Variants in OR52B6 observed in about 807,000 individuals in gnomAD.
OR52B6 encodes olfactory receptor family 52 subfamily B member 6, also known as olfactory receptor 52B6.
For missense variants in OR52B6, 433 were observed against 416.8 expected, an observed-to-expected ratio of 1.04 and a Z score of -0.34; for synonymous variants, 169 against 160.0, an observed-to-expected ratio of 1.06 and a Z score of -0.42.
chr11:5,581,273 GTC>G lies in OR52B6; in HGVS notation c.398_399del (p.Val133AlafsTer7). 2 of 1,614,028 alleles carry G rather than the reference GTC, an allele frequency of 1.2e-6. No homozygotes were observed. The highest frequency in any genetic ancestry group is 4.5e-5 in the East Asian group (2 of 44,872). ...FIHFLFIHSA[V>X]LLAMAFDRYV... ...TCACTTCCTCTTCATTCACTCTGCT[GTC>G]CTGCTGGCCATGGCCTTTGACCGCT... is the stretch of plus-strand genomic sequence containing the variant. On this transcript the variant is annotated frameshift_variant, in exon 1 of 1. Coordinates refer to ENST00000345043, the MANE Select transcript of OR52B6 (RefSeq NM_001005162.2). LOFTEE classifies it low-confidence loss of function (END_TRUNC).
rs746851730 is a variant in OR52B6 at position 5,580,931 on chromosome 11, A to G, written c.55A>G (p.Ile19Val). 1 of 1,609,142 alleles carries G rather than the reference A, an allele frequency of 6.2e-7. No homozygotes were observed. The highest frequency in any genetic ancestry group is 8.5e-7 in the Non-Finnish European group (1 of 1,177,696). ...KIMALFSANSIGAMNNSDTRI... is the reference protein window; with the variant it reads ...KIMALFSANSVGAMNNSDTRI... ...CATGGCCCTTTTTTCTGCTAACAGC[A>G]TAGGTGCTATGAACAACTCTGACAC... Residue 19 changes from isoleucine (I) to valine (V), a missense_variant, in exon 1 of 1, where the codon ATA becomes GTA. By Grantham distance (29) the Ile-to-Val change is conservative. Transcript: ENST00000345043.
rs571128065 is a variant in OR52B6 at position 5,580,901 on chromosome 11, A to C, written c.25A>C (p.Lys9Gln). 6.3e-7 allele frequency: 1 copy of C among 1,584,054 alleles called. No individual in the cohort carries two copies. The highest frequency in any genetic ancestry group is 1.4e-5 in the African/African-American group (1 of 74,044). Residue 9 changes from lysine (K) to glutamine (Q), a missense_variant, in exon 1 of 1, where the codon AAA becomes CAA. Coordinates refer to ENST00000345043, the MANE Select transcript of OR52B6 (RefSeq NM_001005162.2). ...TATGGCACAGGTGAGGGCGCTGCAT[A>C]AAATCATGGCCCTTTTTTCTGCTAA... Reference protein sequence around the residue: MAQVRALHKIMALFSANSI... With the variant: MAQVRALHQIMALFSANSI...
Position 5,581,203 on chromosome 11 carries a change from T to C in OR52B6, c.327T>C (p.Tyr109=), listed in dbSNP as rs1447987968. The stretch of plus-strand genomic sequence containing the variant: ...CCCTGGCCAATTTGTGGCTAGGTTA[T>C]AGCCTCATTTCCTTTGATGGCTGCC... ...PKALANLWLG[Y]SLISFDGCLT... Residue 109 remains tyrosine, a synonymous_variant, in exon 1 of 1, where the codon TAT becomes TAC. Coordinates refer to ENST00000345043, the MANE Select transcript of OR52B6 (RefSeq NM_001005162.2). 6.2e-6 allele frequency: 10 copies of C among 1,613,568 alleles called. No individual in the cohort carries two copies. The highest frequency in any genetic ancestry group is 2.2e-5 in the East Asian group (1 of 44,892).
rs759961171 is a variant in OR52B6, at chr11:5,580,968, G to C, written c.92G>C (p.Gly31Ala). 2 of 1,613,872 alleles carry C rather than the reference G, an allele frequency of 1.2e-6. No individual in the cohort carries two copies. The highest frequency in any genetic ancestry group is 1.7e-6 in the Non-Finnish European group (2 of 1,179,888). The change falls in exon 1 of 1, where the codon GGC becomes GCC. Residue 31 changes from glycine to alanine, a missense_variant. Transcript: ENST00000345043. Reference sequence around the variant, plus strand: ...AACAACTCTGACACTCGCATAGCAGGCTGCTTCCTCACTGGCATCCCTGGG... The same window carrying C: ...AACAACTCTGACACTCGCATAGCAGCCTGCTTCCTCACTGGCATCCCTGGG... ...AMNNSDTRIA[G>A]CFLTGIPGLE... is the part of the protein sequence containing the mutation.
In OR52B6 at chr11:5,581,320, C is replaced by T. The variant is rs372663587; in HGVS notation, c.444C>T (p.Pro148=). The change falls in exon 1 of 1, where the codon CCC becomes CCT. Residue 148 remains proline (P), a synonymous_variant. Coordinates refer to ENST00000345043, the MANE Select transcript of OR52B6 (RefSeq NM_001005162.2). The part of the protein sequence containing the change: ...AFDRYVAICS[P]LRYVTILTSK... ...ACCGCTATGTGGCCATCTGCTCCCC[C>T]CTGCGATATGTCACAATCCTCACAA... The T allele has an allele frequency of 3.5e-5, 56 of 1,613,236 alleles. No homozygotes were observed. The African/African-American group carries it at 3.6e-4, about 10-fold the overall frequency.
At position 5,581,166 on chromosome 11, in the gene OR52B6, C is replaced by T. The variant is rs1041484131; in HGVS notation, c.290C>T (p.Thr97Ile). 1.2e-6 allele frequency: 2 copies of T among 1,613,246 alleles called. No individual in the cohort carries two copies. The highest frequency in any genetic ancestry group is 8.5e-7 in the Non-Finnish European group (1 of 1,179,522). Reference sequence around the variant, plus strand: ...GCTGATGTCTTGCTCTCTACCACCACCATGCCTAAGGCCCTGGCCAATTTG... The same window carrying T: ...GCTGATGTCTTGCTCTCTACCACCATCATGCCTAAGGCCCTGGCCAATTTG... ...ASADVLLSTT[T>I]MPKALANLWL... is the part of the protein sequence containing the mutation. The change falls in exon 1 of 1, where the codon ACC becomes ATC. Residue 97 changes from threonine to isoleucine, a missense_variant. Physicochemically the swap from Thr to Ile is moderately conservative, Grantham distance 89. Transcript: ENST00000345043.
Position 5,581,577 on chromosome 11 carries a change from C to T in OR52B6, c.701C>T (p.Thr234Ile). The T allele has an allele frequency of 6.2e-7, 1 of 1,614,164 alleles. No individual in the cohort carries two copies. The highest frequency in any genetic ancestry group is 8.5e-7 in the Non-Finnish European group (1 of 1,180,028). ...LSTGLDIMLITVSYIHILQAV... is the reference protein window; with the variant it reads ...LSTGLDIMLIIVSYIHILQAV... Reference sequence around the variant, plus strand: ...ACAGGCCTAGACATCATGCTTATTACTGTTTCCTACATCCACATCCTCCAA... The same window carrying T: ...ACAGGCCTAGACATCATGCTTATTATTGTTTCCTACATCCACATCCTCCAA... The change falls in exon 1 of 1, where the codon ACT becomes ATT. Residue 234 changes from threonine (T) to isoleucine (I), a missense_variant. Physicochemically the swap from Thr to Ile is moderately conservative, Grantham distance 89. Coordinates refer to ENST00000345043, the MANE Select transcript of OR52B6 (RefSeq NM_001005162.2).
At position 5,581,407 on chromosome 11, in the gene OR52B6, A is replaced by G. The variant is rs776439979; in HGVS notation, c.531A>G (p.Pro177=). 2.5e-6 allele frequency: 4 copies of G among 1,613,892 alleles called. No individual in the cohort carries two copies. Among genetic ancestry groups the G allele is most frequent in the Non-Finnish European group, 3.4e-6 (4 of 1,180,018 alleles). The change falls in exon 1 of 1, where the codon CCA becomes CCG. Residue 177 remains proline, a synonymous_variant. Coordinates refer to ENST00000345043, the MANE Select transcript of OR52B6 (RefSeq NM_001005162.2). ...ALSHSFIIMF[P]SIFLLEHLHY... ...GCCACAGCTTCATCATTATGTTTCC[A>G]TCCATCTTTCTCCTTGAGCACCTGC...
chr11:5,581,410 CATCT>C lies in OR52B6; in HGVS notation c.535_538del (p.Ile179PhefsTer49). ...ACAGCTTCATCATTATGTTTCCATCCATCTTTCTCCTTGAGCACCTGCACTATTG... is the reference window on the plus strand; with the variant it reads ...ACAGCTTCATCATTATGTTTCCATCCTTCTCCTTGAGCACCTGCACTATTG... On this transcript the variant is annotated frameshift_variant, in exon 1 of 1. Transcript: ENST00000345043. LOFTEE classifies it low-confidence loss of function (END_TRUNC). 1 of 1,613,974 alleles carries C rather than the reference CATCT, an allele frequency of 6.2e-7. No homozygotes were observed.
Position 5,581,699 on chromosome 11 carries a change from C to T in OR52B6, c.823C>T (p.Leu275Phe). Residue 275 changes from leucine (L) to phenylalanine (F), a missense_variant, in exon 1 of 1, where the codon CTT (leucine) becomes TTT (phenylalanine). By Grantham distance (22) the Leu-to-Phe change is conservative (BLOSUM62 0). Coordinates refer to ENST00000345043, the MANE Select transcript of OR52B6 (RefSeq NM_001005162.2). ...CVILLFYVPA[L>F]FSVFAYRFGG... Reference sequence around the variant, plus strand: ...CATCCTACTCTTCTATGTCCCTGCGCTTTTTTCTGTCTTTGCCTACAGGTT... The same window carrying T: ...CATCCTACTCTTCTATGTCCCTGCGTTTTTTTCTGTCTTTGCCTACAGGTT... 2 of 1,614,006 alleles carry T rather than the reference C, an allele frequency of 1.2e-6. No homozygotes were observed. Among genetic ancestry groups the T allele is most frequent in the Non-Finnish European group, 1.7e-6 (2 of 1,179,948 alleles).
chr11:5,581,249 C>A lies in OR52B6; in HGVS notation c.373C>A (p.His125Asn), dbSNP rs201043155. The A allele has an allele frequency of 6.2e-6, 10 of 1,614,118 alleles. No individual in the cohort carries two copies. The East Asian group carries it at 1.8e-4, about 29-fold the overall frequency. The change falls in exon 1 of 1, where the codon CAC becomes AAC. Residue 125 changes from histidine to asparagine, a missense_variant. Physicochemically the swap from His to Asn is moderately conservative, Grantham distance 68. Coordinates refer to ENST00000345043, the MANE Select transcript of OR52B6 (RefSeq NM_001005162.2). ...CTGCCTCACTCAGATGTTCTTCATT[C>A]ACTTCCTCTTCATTCACTCTGCTGT... ...DGCLTQMFFIHFLFIHSAVLL... is the reference protein window; with the variant it reads ...DGCLTQMFFINFLFIHSAVLL...
In OR52B6 at chr11:5,581,143, T is replaced by C. The variant is rs1281843406; in HGVS notation, c.267T>C (p.Ala89=). The C allele has an allele frequency of 6.8e-6, 11 of 1,613,812 alleles. No homozygotes were observed. The highest frequency in any genetic ancestry group is 9.3e-6 in the Non-Finnish European group (11 of 1,179,834). ...MYIFLSMLAS[A]DVLLSTTTMP... is the part of the protein sequence containing the mutation. ...TATTCTTATCTATGCTGGCCAGTGCTGATGTCTTGCTCTCTACCACCACCA... is the reference window on the plus strand; with the variant it reads ...TATTCTTATCTATGCTGGCCAGTGCCGATGTCTTGCTCTCTACCACCACCA... Residue 89 remains alanine, a synonymous_variant, in exon 1 of 1, where the codon GCT becomes GCC. Coordinates refer to ENST00000345043, the MANE Select transcript of OR52B6 (RefSeq NM_001005162.2).
Position 5,581,060 on chromosome 11 carries a change from A to T in OR52B6, c.184A>T (p.Asn62Tyr). 6.2e-7 allele frequency: 1 copy of T among 1,614,004 alleles called. No homozygotes were observed. Reference sequence around the variant, plus strand: ...CATGTACATCACTGCCCTGGAAGGCAATGGCATCCTAATTTGTGTCATCCT... The same window carrying T: ...CATGTACATCACTGCCCTGGAAGGCTATGGCATCCTAATTTGTGTCATCCT... ...CIMYITALEGNGILICVILSQ... is the reference protein window; with the variant it reads ...CIMYITALEGYGILICVILSQ... Residue 62 changes from asparagine (N) to tyrosine (Y), a missense_variant, in exon 1 of 1, where the codon AAT (asparagine) becomes TAT (tyrosine). Coordinates refer to ENST00000345043, the MANE Select transcript of OR52B6 (RefSeq NM_001005162.2).
At position 5,581,634 on chromosome 11, in the gene OR52B6, G is replaced by T; in HGVS notation, c.758G>T (p.Arg253Leu). 2 of 1,614,016 alleles carry T rather than the reference G, an allele frequency of 1.2e-6. No homozygotes were observed. The highest frequency in any genetic ancestry group is 1.7e-6 in the Non-Finnish European group (2 of 1,180,016). ...AVFRLLSQDA[R>L]SKALSTCGSH... is the part of the protein sequence containing the mutation. ...TTCCGCCTCCTTTCTCAAGATGCCC[G>T]CTCCAAGGCCCTGAGTACCTGTGGA... Residue 253 changes from arginine to leucine, a missense_variant, in exon 1 of 1, where the codon CGC becomes CTC. Transcript: ENST00000345043.
In OR52B6 at chr11:5,581,747, T is replaced by G. The variant is rs942250078; in HGVS notation, c.871T>G (p.Tyr291Asp). ...GTTTGGTGGGAGAAGCGTCCCATGC[T>G]ATGTCCATATTCTCCTGGCCAGCCT... ...YRFGGRSVPC[Y>D]VHILLASLYV... Residue 291 changes from tyrosine (Y) to aspartate (D), a missense_variant, in exon 1 of 1, where the codon TAT becomes GAT. By Grantham distance (160) the Tyr-to-Asp change is radical. Transcript: ENST00000345043. 2 of 1,614,048 alleles carry G rather than the reference T, an allele frequency of 1.2e-6. No homozygotes were observed. Among genetic ancestry groups the G allele is most frequent in the Non-Finnish European group, 1.7e-6 (2 of 1,179,990 alleles).
Position 5,581,167 on chromosome 11 carries a change from C to A in OR52B6, c.291C>A (p.Thr97=). The A allele has an allele frequency of 6.2e-7, 1 of 1,613,200 alleles. No individual in the cohort carries two copies. The highest frequency in any genetic ancestry group is 1.3e-5 in the African/African-American group (1 of 75,066). ...ASADVLLSTT[T]MPKALANLWL... ...CTGATGTCTTGCTCTCTACCACCAC[C>A]ATGCCTAAGGCCCTGGCCAATTTGT... Residue 97 remains threonine (T), a synonymous_variant, in exon 1 of 1, where the codon ACC becomes ACA. Coordinates refer to ENST00000345043, the MANE Select transcript of OR52B6 (RefSeq NM_001005162.2).
chr11:5,581,574 T>C lies in OR52B6; in HGVS notation c.698T>C (p.Ile233Thr), dbSNP rs1342182479. ...TCCACAGGCCTAGACATCATGCTTATTACTGTTTCCTACATCCACATCCTC... is the reference window on the plus strand; with the variant it reads ...TCCACAGGCCTAGACATCATGCTTACTACTGTTTCCTACATCCACATCCTC... ...LLSTGLDIML[I>T]TVSYIHILQA... Residue 233 changes from isoleucine to threonine, a missense_variant, in exon 1 of 1, where the codon ATT becomes ACT. Ile to Thr is a moderately conservative substitution (Grantham distance 89). Transcript: ENST00000345043. 5.0e-6 allele frequency: 8 copies of C among 1,614,048 alleles called. No individual in the cohort carries two copies. The highest frequency in any genetic ancestry group is 5.9e-6 in the Non-Finnish European group (7 of 1,180,040).
Position 5,581,862 on chromosome 11 carries a change from A to G in OR52B6, c.986A>G (p.Asn329Ser). 2 of 1,582,938 alleles carry G rather than the reference A, an allele frequency of 1.3e-6. No homozygotes were observed. The highest frequency in any genetic ancestry group is 1.7e-6 in the Non-Finnish European group (2 of 1,168,654). The change falls in exon 1 of 1, where the codon AAT becomes AGT. Residue 329 changes from asparagine to serine, a missense_variant. Transcript: ENST00000345043. ...GAAGGGGCTAAGCAGATGTTTTCAAATCTTGCCAAAGGATCTAAATAAATG... is the reference window on the plus strand; with the variant it reads ...GAAGGGGCTAAGCAGATGTTTTCAAGTCTTGCCAAAGGATCTAAATAAATG... ...ILEGAKQMFS[N>S]LAKGSK
rs771221890 is a variant in OR52B6, at chr11:5,581,062, T to C, written c.186T>C (p.Asn62=). The change falls in exon 1 of 1, where the codon AAT becomes AAC. Residue 62 remains asparagine (N), a synonymous_variant. Transcript: ENST00000345043. ...CIMYITALEG[N]GILICVILSQ... ...TGTACATCACTGCCCTGGAAGGCAA[T>C]GGCATCCTAATTTGTGTCATCCTCT... is the stretch of plus-strand genomic sequence containing the variant. 1 of 1,614,064 alleles carries C rather than the reference T, an allele frequency of 6.2e-7. No individual in the cohort carries two copies. The highest frequency in any genetic ancestry group is 1.7e-5 in the Admixed American group (1 of 60,028).
Sources: gnomAD v4.1 joint callset for allele counts on GRCh38, gnomAD v4.1.1 for gene constraint, MANE v1.5 for transcripts, NCBI Gene and HGNC (gene_info 2026-07-23, HGNC 2026-07-21) for gene names.